Variants in APCDD1L observed in about 807,000 individuals in gnomAD.
APCDD1L encodes the protein protein APCDD1-like.
A neutral mutation model predicts 24.2 loss-of-function variants in APCDD1L; 21 were observed. The observed-to-expected ratio is 0.87, with a 90% CI of 0.61 to 1.25. The LOEUF is 1.25. Ranked by LOEUF, APCDD1L falls within the 50% of genes most tolerant of loss-of-function variation. The probability of loss-of-function intolerance (pLI) is 0.00; values close to 1 mark genes in which losing one functional copy is unlikely to be tolerated. For missense variants in APCDD1L, 704 were observed against 711.7 expected (o/e 0.99, Z 0.12); for synonymous variants, 321 against 323.6 (o/e 0.99, Z 0.09).
intron 1 of APCDD1L, among the ~76,000 whole-genome samples, chr20:58,478,361 CTCCTTCCT>C (rs140717243): frequency 8.1e-5 from 12 of 148,974 alleles, no homozygotes; most frequent in Non-Finnish European, 1.3e-4. Flanking sequence ...TTTTTCTTTT[CTCCTTCCT>C]TCCTTCCTTC....
rs2144949 is a variant in APCDD1L, at chr20:58,460,322, A to C, written c.*468T>G. ...AAATTCGAATTAATAATCTTTAAAC[A>C]ACAACCTACAGACATGGCAGAACTG... is the stretch of plus-strand genomic sequence containing the variant. On this transcript the variant is annotated 3_prime_UTR_variant, in exon 4 of 4. Coordinates refer to ENST00000371149, the MANE Select transcript of APCDD1L (RefSeq NM_153360.3). The surrounding 1 kb of genome is among the most constrained non-coding windows in gnomAD (Gnocchi z 4.2). The C allele has an allele frequency of 0.12, 19,020 of 155,414 alleles. 1,305 individuals carry two copies. The highest frequency in any genetic ancestry group is 0.25 in the East Asian group (1,308 of 5,222). 9.6% of individuals were successfully genotyped at this position (155,414 alleles called of 1,614,324 possible).
chr20:58,471,794 AG>A (rs1260057323), intron 1 of APCDD1L, among the ~76,000 whole-genome samples: 4 of 152,318 alleles, frequency 2.6e-5, no homozygotes, highest in Non-Finnish European at 5.9e-5. Context: ...GGCTGTGCTC[AG>A]GGGCGCTGGC....
At chr20:58,473,875 T>A (rs1274278536) in intron 1 of APCDD1L, among the ~76,000 whole-genome samples, 4 of 152,264 alleles carry the variant, frequency 2.6e-5, no homozygotes. Context: ...GATAGCATTG[T>A]TCAAATTACC....
intron 1 of APCDD1L, among the ~76,000 whole-genome samples, chr20:58,479,431 G>T (rs1989980549): frequency 1.3e-5 from 2 of 152,264 alleles, no homozygotes; most frequent in South Asian, 4.1e-4. Flanking sequence ...GTCACATTTT[G>T]CTGTATCAGA....
intron 1 of APCDD1L, among the ~76,000 whole-genome samples, chr20:58,476,259 C>T (rs1459915505): frequency 2.6e-5 from 4 of 152,166 alleles, no homozygotes; most frequent in South Asian, 2.1e-4. Context: ...GGTGCAATCT[C>T]GGCTCACTAC....
At chr20:58,487,593 T>C (rs1032105186) in intron 1 of APCDD1L, among the ~76,000 whole-genome samples, 4 of 152,186 alleles carry the variant, frequency 2.6e-5, no homozygotes, top group Non-Finnish European at 4.4e-5. Flanking sequence ...ACTTGAATTA[T>C]AGGGACACAG....
chr20:58,504,157 G>A (rs1020174086), intron 1 of APCDD1L, among the ~76,000 whole-genome samples: 3 of 152,196 alleles, frequency 2.0e-5, no homozygotes, highest in South Asian at 2.1e-4. Flanking sequence ...TTGAGATGGG[G>A]GAGAGGAGAC....
intron 1 of APCDD1L, among the ~76,000 whole-genome samples, chr20:58,496,357 G>A (rs1352599618): frequency 2.0e-5 from 3 of 152,250 alleles, no homozygotes; most frequent in African/African-American, 7.2e-5. Context: ...GCCAGCCTGG[G>A]GCAGGGTTGT....
intron 1 of APCDD1L, among the ~76,000 whole-genome samples, chr20:58,476,835 C>T (rs189501466): frequency 2.4e-4 from 36 of 152,336 alleles, no homozygotes; most frequent in African/African-American, 8.7e-4. Flanking sequence ...AAACCTTTGG[C>T]TGCCTTGAGG....
intron 3 of APCDD1L, among the ~76,000 whole-genome samples, chr20:58,463,609 A>T (rs552753671): frequency 6.6e-6 from 1 of 152,288 alleles, no homozygotes; most frequent in African/African-American, 2.4e-5. Flanking sequence ...CCGTTCTGGA[A>T]GGTAAATGGC....
intron 1 of APCDD1L, among the ~76,000 whole-genome samples, chr20:58,498,333 G>T (rs1013835852): frequency 6.6e-6 from 1 of 152,118 alleles, no homozygotes. Flanking sequence ...GGCTGGTTGT[G>T]GCGTTGCTGA....
intron 1 of APCDD1L, among the ~76,000 whole-genome samples, chr20:58,496,301 AC>A (rs1990320335): frequency 6.6e-6 from 1 of 152,198 alleles, no homozygotes; most frequent in Admixed American, 6.5e-5. Context: ...GCCAGGGGGC[AC>A]CTGCTGTGCT....
intron 2 of APCDD1L, among the ~76,000 whole-genome samples, chr20:58,468,820 G>A (rs1260488332): frequency 6.6e-6 from 1 of 152,052 alleles, no homozygotes; most frequent in Admixed American, 6.5e-5. Flanking sequence ...TGCCCATCTC[G>A]GCCTCCCAAA....
intron 1 of APCDD1L, among the ~76,000 whole-genome samples, chr20:58,504,300 T>C (rs1374521785): frequency 6.6e-6 from 1 of 152,156 alleles, no homozygotes; most frequent in East Asian, 1.9e-4. Context: ...TTCTTGCCTC[T>C]GAGACAACCA....
chr20:58,466,757 C>T (rs6015283), intron 3 of APCDD1L, among the ~76,000 whole-genome samples: 5,990 of 152,196 alleles, frequency 0.039, 305 homozygotes, highest in African/African-American at 0.12. Context: ...GCGGATATTT[C>T]AGCCGAGAAC....
chr20:58,463,903 G>GGT, intron 3 of APCDD1L, among the ~76,000 whole-genome samples: 1 of 130,516 alleles, frequency 7.7e-6, no homozygotes, highest in Non-Finnish European at 1.7e-5. Context: ...TTGGGGGGGG[G>GGT]GGGCGTCACA....
chr20:58,509,026 C>T lies in APCDD1L; in HGVS notation c.49+5633G>A, dbSNP rs186153807. Among the ~76,000 whole-genome samples the T allele has an allele frequency of 5.3e-4, 80 of 149,956 alleles. 2 individuals carry two copies. The highest frequency in any genetic ancestry group is 2.1e-4 in the South Asian group (1 of 4,738). On this transcript the variant is annotated intron_variant, in intron 1 of 3. Coordinates refer to ENST00000371149, the MANE Select transcript of APCDD1L (RefSeq NM_153360.3). ...TGTGTGTGTGTGTGTGTGGAGTCAA[C>T]GAGTCAATTTTAGCCTTCCTTTAGC...
At chr20:58,466,560 C>A (rs1226930711) in intron 3 of APCDD1L, among the ~76,000 whole-genome samples, 2 of 152,274 alleles carry the variant, frequency 1.3e-5, no homozygotes, top group African/African-American at 2.4e-5. Context: ...CTAATTCATC[C>A]ATCCACGTTT....
In APCDD1L at chr20:58,460,955, G is replaced by A. The variant is rs753215883; in HGVS notation, c.1341C>T (p.Ser447=). The change falls in exon 4 of 4, where the codon TCC becomes TCT. Residue 447 remains serine, a synonymous_variant. Coordinates refer to ENST00000371149, the MANE Select transcript of APCDD1L (RefSeq NM_153360.3). This position sits in a 1 kb window ranked among gnomAD's most constrained non-coding sequence, Gnocchi z 4.2. ...GACAGAGCACCAGGGGTGCTTGGTAGGAGGTGGGACGTTTCTCTGGGGTAT... is the reference window on the plus strand; with the variant it reads ...GACAGAGCACCAGGGGTGCTTGGTAAGAGGTGGGACGTTTCTCTGGGGTAT... ...SPDTPEKRPT[S]YQAPLVLCHG... The A allele has an allele frequency of 6.2e-7, 1 of 1,614,106 alleles. No individual in the cohort carries two copies. The highest frequency in any genetic ancestry group is 8.5e-7 in the Non-Finnish European group (1 of 1,179,974).
Sources: allele counts gnomAD v4.1 joint callset (sites outside exome capture counted in the v4.1 genomes callset), GRCh38; gene constraint gnomAD v4.1.1; non-coding constraint Gnocchi (gnomAD v3.1); transcripts MANE v1.5; gene names NCBI Gene and HGNC (gene_info 2026-07-23, HGNC 2026-07-21).